Variants in PACS2 observed in about 807,000 individuals in gnomAD.
The protein encoded by PACS2 is PACS1-like protein.
PACS2 carries 36 observed loss-of-function variants against 113.0 expected under a neutral mutation model. The ratio of observed to expected loss-of-function variants is 0.32; its 90% confidence interval spans 0.24 to 0.42. PACS2 has a LOEUF of 0.42. PACS2 is among the 10% of genes least tolerant of loss of function. PACS2 has a pLI of 1.00. For missense variants in PACS2, 1,015 were observed against 1,239.5 expected, an observed-to-expected ratio of 0.82 and a Z score of 2.72; for synonymous variants, 589 against 536.1, an observed-to-expected ratio of 1.10 and a Z score of -1.36.
chr14:105,391,361 C>T (rs901980596), intron 21 of PACS2, 112 bp downstream of exon 21: 63 of 827,480 alleles, frequency 7.6e-5, no homozygotes, highest in Non-Finnish European at 1.3e-4. Flanking sequence ...AGAGCCGCCA[C>T]GTCCCAGTCT....
intron 3 of PACS2, 22 bp downstream of exon 3, chr14:105,352,489 ACG>A: frequency 6.8e-7 from 1 of 1,476,318 alleles, no homozygotes; most frequent in Non-Finnish European, 9.5e-7. Context: ...ACCAGTGGTG[ACG>A]ACACCCTCAT....
chr14:105,360,305 C>G (rs1351794906), intron 4 of PACS2, among the ~76,000 whole-genome samples: 1 of 152,018 alleles, frequency 6.6e-6, no homozygotes, highest in Non-Finnish European at 1.5e-5. Context: ...TTTGGGAGGC[C>G]AAGGCGGGCG....
chr14:105,362,016 G>T (rs150283854), intron 4 of PACS2, among the ~76,000 whole-genome samples: 1 of 151,840 alleles, frequency 6.6e-6, no homozygotes, highest in Non-Finnish European at 1.5e-5. Flanking sequence ...CCAGCTACTC[G>T]GGAGGCTGAG....
Position 105,367,227 on chromosome 14 carries a change from G to A in PACS2, c.438G>A (p.Pro146=), listed in dbSNP as rs1337808482. The A allele has an allele frequency of 1.1e-5, 18 of 1,612,916 alleles. No individual in the cohort carries two copies. The highest frequency in any genetic ancestry group is 2.2e-5 in the East Asian group (1 of 44,904). The change falls in exon 5 of 25, where the codon CCG becomes CCA. Residue 146 remains proline (P), a synonymous_variant. Coordinates refer to ENST00000447393, the MANE Select transcript of PACS2 (RefSeq NM_001100913.3). ...SISMAEVMQH[P]SEGGQVLSLC... ...CTGGCCTGCAGGTGATGCAACACCC[G>A]TCTGAAGGTGGCCAGGTGCTGAGCC...
chr14:105,316,622 G>A (rs1417221954), intron 1 of PACS2, among the ~76,000 whole-genome samples: 2 of 152,188 alleles, frequency 1.3e-5, no homozygotes, highest in Non-Finnish European at 2.9e-5. Context: ...AGGAGGGGCC[G>A]GGGGCCTTAT....
chr14:105,308,979 CAAAAGAAAAA>C (rs1436476308), intron 1 of PACS2, among the ~76,000 whole-genome samples: 2 of 150,718 alleles, frequency 1.3e-5, no homozygotes, highest in Non-Finnish European at 3.0e-5. Flanking sequence ...GTCAAGAAAA[CAAAAGAAAAA>C]AAAAGAAAAA....
In PACS2 at chr14:105,354,712, C is replaced by A. The variant is rs1207441059; in HGVS notation, c.298-340C>A. 1.3e-5 allele frequency among the ~76,000 whole-genome samples: 2 copies of A among 152,198 alleles called. No homozygotes were observed. The highest frequency in any genetic ancestry group is 4.8e-5 in the African/African-American group (2 of 41,458). ...TGCTGATTGCCTCAGGCACATGAGC[C>A]GCCACACTGTTTCCGAGTGTCCACA... On this transcript the variant is annotated intron_variant, in intron 3 of 24. Transcript: ENST00000447393. This position sits in a 1 kb window ranked among gnomAD's most constrained non-coding sequence, Gnocchi z 4.2.
intron 19 of PACS2, among the ~76,000 whole-genome samples, chr14:105,388,219 G>A (rs1298883877): frequency 6.6e-6 from 1 of 152,230 alleles, no homozygotes; most frequent in Non-Finnish European, 1.5e-5. Context: ...GGGTGGGCCA[G>A]GAGCCGTCCA....
chr14:105,326,267 TG>T (rs2059101589), intron 1 of PACS2, among the ~76,000 whole-genome samples: 1 of 152,328 alleles, frequency 6.6e-6, no homozygotes, highest in East Asian at 1.9e-4. Context: ...TTCCTGGTCC[TG>T]GACACGGGTG....
At chr14:105,387,305 C>T (rs2081210431) in intron 19 of PACS2, among the ~76,000 whole-genome samples, 1 of 152,226 alleles carries the variant, frequency 6.6e-6, no homozygotes, top group Admixed American at 6.5e-5. Flanking sequence ...GCTGGCCCGC[C>T]CTCCTCTGCC....
At chr14:105,319,120 G>C (rs921127077) in intron 1 of PACS2, among the ~76,000 whole-genome samples, 65 of 148,330 alleles carry the variant, frequency 4.4e-4, no homozygotes, top group African/African-American at 1.6e-3. Flanking sequence ...GCTAATTTCT[G>C]TATTTTTAGT....
At chr14:105,378,291 G>A (rs77947663) in intron 9 of PACS2, among the ~76,000 whole-genome samples, 2,626 of 152,342 alleles carry the variant, frequency 0.017, 104 homozygotes, top group African/African-American at 0.061. Flanking sequence ...GGAGAGGCGT[G>A]TGCGTCTCGG....
At chr14:105,300,971 G>C (rs2057993408) in exon 1 of PACS2, 1 of 154,094 alleles carries the variant, frequency 6.5e-6, no homozygotes, top group South Asian at 2.0e-4. Flanking sequence ...ACCCGAGCGG[G>C]GCCTACCGGT....
rs1188714834 is a variant in PACS2 at position 105,398,121 on chromosome 14, A to T, written c.*3449A>T. 4.6e-5 allele frequency: 7 copies of T among 152,184 alleles called. No homozygotes were observed. The highest frequency in any genetic ancestry group is 4.6e-4 in the Admixed American group (7 of 15,286). The allele number at this position is 152,184 out of a possible 1,614,324, so 9.4% of individuals were successfully genotyped here. ...GTGGACTATTTCAAGGTGCTGATGC[A>T]ACACTAATAAACCTGGAGGGGCCGG... On this transcript the variant is annotated 3_prime_UTR_variant, in exon 25 of 25. Coordinates refer to ENST00000447393, the MANE Select transcript of PACS2 (RefSeq NM_001100913.3).
Position 105,315,036 on chromosome 14 carries a change from A to G in PACS2, c.118A>G (p.Arg40Gly). 8.4e-7 allele frequency: 1 copy of G among 1,190,210 alleles called. No homozygotes were observed. The highest frequency in any genetic ancestry group is 2.1e-5 in the South Asian group (1 of 48,184). 73.7% of individuals were successfully genotyped at this position (1,190,210 alleles called of 1,614,324 possible). The change falls in exon 1 of 25, where the codon AGG (arginine) becomes GGG (glycine). Residue 40 changes from arginine (R) to glycine (G), a missense_variant and splice_region_variant. This residue lies in a region of PACS2 where 140 missense variants were observed against 135.1 expected (regional missense o/e 1.04). Transcript: ENST00000447393. The surrounding 1 kb of genome is among the most constrained non-coding windows in gnomAD (Gnocchi z 4.4). ...VDGSSPSCVP[R>G]LCSLTLKKLV... ...CGGCTCCAGCCCCAGCTGCGTGCCC[A>G]GGTACGCGCCGCCCGCCGCGCTTTG...
chr14:105,391,512 T>TTCCCCCCCCCCC, intron 21 of PACS2, 119 bp from the exon 22 acceptor site: 1 of 611,300 alleles, frequency 1.6e-6, no homozygotes, highest in Non-Finnish European at 2.9e-6. Context: ...CACTGGGGAC[T>TTCCCCCCCCCCC]CCCACCCTGC....
In PACS2 at chr14:105,330,061, TGG is replaced by T. The variant is rs1367201925; in HGVS notation, c.119+15027_119+15028del. 7.3e-5 allele frequency among the ~76,000 whole-genome samples: 11 copies of T among 150,010 alleles called. No homozygotes were observed. Among genetic ancestry groups the T allele is most frequent in the Admixed American group, 1.3e-4 (2 of 15,122 alleles). On this transcript the variant is annotated intron_variant, in intron 1 of 24. Transcript: ENST00000447393. This position sits in a 1 kb window ranked among gnomAD's most constrained non-coding sequence, Gnocchi z 6.9. ...GTTGAGCCAGAGCCTCCGAGAAGCCTGGGGTCCATGTGTGGGAAGGAACGGGG... is the reference window on the plus strand; with the variant it reads ...GTTGAGCCAGAGCCTCCGAGAAGCCTGGTCCATGTGTGGGAAGGAACGGGG...
intron 1 of PACS2, among the ~76,000 whole-genome samples, chr14:105,347,059 C>T (rs891076452): frequency 5.7e-5 from 8 of 139,724 alleles, no homozygotes; most frequent in African/African-American, 1.9e-4. Context: ...GTCCCCGTTG[C>T]ACCTCCCACC....
Position 105,314,937 on chromosome 14 carries a change from C to A in PACS2, c.19C>A (p.Leu7Ile). Residue 7 changes from leucine to isoleucine, a missense_variant, in exon 1 of 25, where the codon CTC becomes ATC. By Grantham distance (5) the Leu-to-Ile change is conservative (BLOSUM62 2). Around this residue, in one of 3 missense-constraint regions of PACS2, gnomAD observed 140 missense variants for 135.1 expected, o/e 1.04. Coordinates refer to ENST00000447393, the MANE Select transcript of PACS2 (RefSeq NM_001100913.3). MAERGR[L>I]GLPGAPGALN... The stretch of plus-strand genomic sequence containing the variant: ...CGGCGCCATGGCCGAGCGAGGCCGC[C>A]TCGGCCTCCCCGGCGCGCCCGGCGC... The A allele has an allele frequency of 8.8e-7, 1 of 1,141,080 alleles. No homozygotes were observed. Among genetic ancestry groups the A allele is most frequent in the South Asian group, 2.0e-5 (1 of 50,268 alleles). The allele number at this position is 1,141,080 out of a possible 1,614,324, so 70.7% of individuals were successfully genotyped here. A position where few individuals can be genotyped will look rare whatever the true frequency, so the allele number is the denominator to read the frequency against.
Sources: allele counts gnomAD v4.1 joint callset (sites outside exome capture counted in the v4.1 genomes callset), GRCh38; gene constraint gnomAD v4.1.1; regional missense constraint gnomAD v4.1.1; non-coding constraint Gnocchi (gnomAD v3.1); transcripts MANE v1.5; gene names NCBI Gene and HGNC (gene_info 2026-07-23, HGNC 2026-07-21).